STAU1: variants seen among roughly 807,000 people sequenced by gnomAD.
STAU1 encodes staufen double-stranded RNA binding protein 1.
Under a neutral mutation model 62.9 loss-of-function variants are expected in STAU1, and 13 were observed. That is an observed-to-expected ratio of 0.21 (90% confidence interval 0.13 to 0.33). STAU1 has a LOEUF of 0.33. Ranked by LOEUF, STAU1 falls within the 10% of genes least tolerant of loss-of-function variation. STAU1 has a pLI of 1.00. For synonymous variants in STAU1, 269 were observed against 265.1 expected, an observed-to-expected ratio of 1.01 and a Z score of -0.14; for missense variants, 571 against 712.1, an observed-to-expected ratio of 0.80 and a Z score of 2.25.
chr20:49,166,120 G>A lies in STAU1; in HGVS notation c.82C>T (p.Leu28Phe), dbSNP rs1600817644. 6 of 1,614,194 alleles carry A rather than the reference G, an allele frequency of 3.7e-6. No individual in the cohort carries two copies. Among genetic ancestry groups the A allele is most frequent in the Non-Finnish European group, 5.1e-6 (6 of 1,180,044 alleles). ...GGAATACTCATCAAAGGCTGTGAGA[G>A]AAGAGACTGGTTCTTGTTCAGTATT... ...SQILNKNQSLLSQPLMSIPST... is the reference protein window; with the variant it reads ...SQILNKNQSLFSQPLMSIPST... Residue 28 changes from leucine to phenylalanine, a missense_variant, in exon 3 of 14, where the codon CTC becomes TTC. Leu to Phe is a conservative substitution (Grantham distance 22). Around this residue, in one of 3 missense-constraint regions of STAU1, gnomAD observed 414 missense variants for 499.6 expected, o/e 0.83. Transcript: ENST00000371856.
chr20:49,197,206 G>A, the STAU1 span, among the ~76,000 whole-genome samples: 1 of 148,800 alleles, frequency 6.7e-6, no homozygotes. Context: ...ATCAACCTAA[G>A]CTTGGCTAAA....
upstream of STAU1, among the ~76,000 whole-genome samples, chr20:49,188,882 T>C (rs1184029844): frequency 1.5e-5 from 1 of 67,352 alleles, no homozygotes; most frequent in Non-Finnish European, 3.0e-5. Context: ...ACACAATAAA[T>C]AAAATTGAAA....
chr20:49,206,664 C>T, the STAU1 span, among the ~76,000 whole-genome samples: 3 of 143,734 alleles, frequency 2.1e-5, no homozygotes, highest in Non-Finnish European at 3.0e-5. Flanking sequence ...GCCTGGCCAA[C>T]ATAGCAAGAC....
intron 6 of STAU1, 43 bp from the exon 7 acceptor site, chr20:49,124,630 A>T (rs1175254972): frequency 6.2e-7 from 1 of 1,605,448 alleles, no homozygotes; most frequent in Non-Finnish European, 8.5e-7. Context: ...ACAGACACTT[A>T]TTAAAAGCTC....
At chr20:49,138,806 T>TG (rs2146079144) in intron 5 of STAU1, among the ~76,000 whole-genome samples, 1 of 152,228 alleles carries the variant, frequency 6.6e-6, no homozygotes, top group African/African-American at 2.4e-5. Flanking sequence ...AGCCCACACT[T>TG]GTATTTTTGT....
chr20:49,176,533 G>A (rs1405417820), intron 1 of STAU1, among the ~76,000 whole-genome samples: 2 of 152,076 alleles, frequency 1.3e-5, no homozygotes, highest in Non-Finnish European at 2.9e-5. Context: ...CTGCTACTAT[G>A]GCTTAACAGG....
chr20:49,136,178 G>A (rs1425175963), intron 5 of STAU1, among the ~76,000 whole-genome samples: 2 of 152,092 alleles, frequency 1.3e-5, no homozygotes, highest in African/African-American at 4.8e-5. Context: ...GTACATGCCT[G>A]TAGTTCCAAC....
At chr20:49,146,330 C>A (rs2093131363) in intron 5 of STAU1, among the ~76,000 whole-genome samples, 1 of 152,072 alleles carries the variant, frequency 6.6e-6, no homozygotes, top group African/African-American at 2.4e-5. Flanking sequence ...AAGTATGCAC[C>A]TATCCCAAGT....
intron 2 of STAU1, among the ~76,000 whole-genome samples, chr20:49,173,429 C>G (rs1335856304): frequency 2.6e-5 from 4 of 152,140 alleles, no homozygotes; most frequent in African/African-American, 7.2e-5. Flanking sequence ...CCAACCTGGG[C>G]AACAAGAGCG....
intron 3 of STAU1, among the ~76,000 whole-genome samples, chr20:49,158,098 A>G (rs1439676174): frequency 6.6e-6 from 1 of 151,740 alleles, no homozygotes; most frequent in Non-Finnish European, 1.5e-5. Context: ...CCTGGCCAAC[A>G]TGGTGAGACC....
intron 3 of STAU1, among the ~76,000 whole-genome samples, chr20:49,164,793 A>AG (rs1345220583): frequency 6.6e-6 from 1 of 152,112 alleles, no homozygotes; most frequent in African/African-American, 2.4e-5. Flanking sequence ...AGGAAAGAAG[A>AG]GAAAAAAAAC....
intron 3 of STAU1, among the ~76,000 whole-genome samples, chr20:49,163,419 CTTTTTTTTTT>C (rs200864480): frequency 9.7e-5 from 8 of 82,422 alleles, no homozygotes; most frequent in East Asian, 7.3e-4. Flanking sequence ...GTGTTTAAAC[CTTTTTTTTTT>C]TTTTTTTTTT....
Position 49,153,867 on chromosome 20 carries a change from T to C in STAU1, c.344+66A>G, listed in dbSNP as rs370867730. 1.1e-4 allele frequency: 162 copies of C among 1,487,772 alleles called. 3 individuals are homozygous for C. The South Asian group carries it at 2.2e-3, about 21-fold the overall frequency. 92.2% of individuals were successfully genotyped at this position (1,487,772 alleles called of 1,614,324 possible). A position where few individuals can be genotyped will look rare whatever the true frequency, so the allele number is the denominator to read the frequency against. Reference sequence around the variant, plus strand: ...TCCCTCCACAATCTAGAGGTACTGGTTTATGTAAAAGATCAGACACGTTTT... The same window carrying C: ...TCCCTCCACAATCTAGAGGTACTGGCTTATGTAAAAGATCAGACACGTTTT... On this transcript the variant is annotated intron_variant, in intron 4 of 13. Coordinates refer to ENST00000371856, the MANE Select transcript of STAU1 (RefSeq NM_017453.4).
At chr20:49,165,075 T>C (rs1336814838) in intron 3 of STAU1, among the ~76,000 whole-genome samples, 2 of 152,060 alleles carry the variant, frequency 1.3e-5, no homozygotes, top group Admixed American at 1.3e-4. Flanking sequence ...GACGGAGTCT[T>C]GCCTTGTTGC....
chr20:49,141,670 G>A (rs1370399470), intron 5 of STAU1, among the ~76,000 whole-genome samples: 3 of 152,144 alleles, frequency 2.0e-5, no homozygotes, highest in Admixed American at 6.6e-5. Flanking sequence ...CAAGGCAGGC[G>A]GATCACTTGA....
chr20:49,147,872 T>A (rs191279831), intron 5 of STAU1, among the ~76,000 whole-genome samples: 1 of 152,252 alleles, frequency 6.6e-6, no homozygotes, highest in East Asian at 1.9e-4. Context: ...TACTGTACAC[T>A]GTCATGCCAT....
At position 49,117,991 on chromosome 20, in the gene STAU1, T is replaced by G. The variant is rs1264379950; in HGVS notation, c.1295A>C (p.Gln432Pro). The change falls in exon 11 of 14, where the codon CAA becomes CCA. Residue 432 changes from glutamine to proline, a missense_variant. Transcript: ENST00000371856. This position sits in a 1 kb window ranked among gnomAD's most constrained non-coding sequence, Gnocchi z 4.6. ...PEVAQAVGVS[Q>P]GHHTKDFTRA... ...GGTAAAATCTTTGGTGTGATGTCCT[T>G]GACTAACTCCTACAGCCTGGGCGAC... The G allele has an allele frequency of 7.4e-6, 12 of 1,614,202 alleles. No individual in the cohort carries two copies. The highest frequency in any genetic ancestry group is 1.0e-5 in the Non-Finnish European group (12 of 1,180,034).
At chr20:49,156,218 T>C (rs1195054758) in intron 3 of STAU1, among the ~76,000 whole-genome samples, 1 of 152,200 alleles carries the variant, frequency 6.6e-6, no homozygotes, top group Non-Finnish European at 1.5e-5. Context: ...TTCTTGCTAA[T>C]CTATACACTC....
rs562822394 is a variant in STAU1 at position 49,175,833 on chromosome 20, C to T, written c.-159-1564G>A. On this transcript the variant is annotated intron_variant, in intron 1 of 13. Transcript: ENST00000371856. ...TTTTTTTGAGACGGAGTCTCGCTGT[C>T]GTCCAGGCTGGAGTGCAGTGGCGCA... is the stretch of plus-strand genomic sequence containing the variant. Among the ~76,000 whole-genome samples, 49 of 137,332 alleles carry T rather than the reference C, an allele frequency of 3.6e-4. 3 individuals are homozygous for T. In the South Asian group the frequency reaches 0.01, roughly 28 times the overall value. The allele number at this position is 137,332 out of a possible 152,430, so 90.1% of individuals were successfully genotyped here. A position where few individuals can be genotyped will look rare whatever the true frequency, so the allele number is the denominator to read the frequency against.
Sources: allele counts gnomAD v4.1 joint callset (sites outside exome capture counted in the v4.1 genomes callset), GRCh38; gene constraint gnomAD v4.1.1; regional missense constraint gnomAD v4.1.1; non-coding constraint Gnocchi (gnomAD v3.1); transcripts MANE v1.5; gene names NCBI Gene and HGNC (gene_info 2026-07-23, HGNC 2026-07-21).